ENTPD1: variants seen among roughly 807,000 people sequenced by gnomAD.
ENTPD1 encodes the protein ectonucleoside triphosphate diphosphohydrolase 1, also known as ATP diphosphohydrolase.
Under a neutral mutation model 57.0 loss-of-function variants are expected in ENTPD1, and 33 were observed. The ratio of observed to expected loss-of-function variants is 0.58; its 90% confidence interval spans 0.44 to 0.77. ENTPD1 has a LOEUF of 0.77. Among genes scored for constraint, ENTPD1 ranks in the 30% least tolerant of loss-of-function variants. ENTPD1 has a pLI of 0.00. For synonymous variants in ENTPD1, 202 were observed against 218.8 expected (o/e 0.92, Z 0.68); for missense variants, 501 against 603.4 (o/e 0.83, Z 1.78).
chr10:95,741,607 A>T (rs561493050), intron 1 of ENTPD1, among the ~76,000 whole-genome samples: 1 of 152,318 alleles, frequency 6.6e-6, no homozygotes, highest in Admixed American at 6.5e-5. Context: ...AAACACAATA[A>T]AGCCAAGCAC....
At position 95,756,197 on chromosome 10, in the gene ENTPD1, G is replaced by A. The variant is rs374349051; in HGVS notation, c.-43G>A. ...GACCACAGCAAGCAGAGGCTGGGGG[G>A]GGGAAAGACGAGGAAAGAGGAGGAA... On this transcript the variant is annotated 5_prime_UTR_variant, in exon 1 of 10. Coordinates refer to ENST00000371205, the MANE Select transcript of ENTPD1 (RefSeq NM_001776.6). 1.8e-5 allele frequency: 28 copies of A among 1,581,056 alleles called. No individual in the cohort carries two copies. Among genetic ancestry groups the A allele is most frequent in the East Asian group, 4.7e-5 (2 of 42,818 alleles).
intron 1 of ENTPD1, among the ~76,000 whole-genome samples, chr10:95,766,171 T>C (rs1044352732): frequency 1.1e-4 from 17 of 152,302 alleles, no homozygotes; most frequent in Non-Finnish European, 2.2e-4. Flanking sequence ...CAGTCACATA[T>C]AGTATTGTTC....
At chr10:95,714,075 C>T (rs533298139) in intron 1 of ENTPD1, among the ~76,000 whole-genome samples, 2 of 152,270 alleles carry the variant, frequency 1.3e-5, no homozygotes, top group South Asian at 4.1e-4. Flanking sequence ...CTTTGGGAGG[C>T]AGAGGTGGGC....
chr10:95,724,873 G>A (rs2097981915), intron 1 of ENTPD1, among the ~76,000 whole-genome samples: 1 of 152,180 alleles, frequency 6.6e-6, no homozygotes, highest in Non-Finnish European at 1.5e-5. Context: ...GGGTTGCCCA[G>A]GTTAATTTTT....
At chr10:95,722,234 G>GT (rs1330943073) in intron 1 of ENTPD1, among the ~76,000 whole-genome samples, 8 of 113,416 alleles carry the variant, frequency 7.1e-5, no homozygotes, top group Non-Finnish European at 1.2e-4. Context: ...TACCCATTGT[G>GT]GTTTTTTTTT....
At chr10:95,765,213 G>A (rs1376275669) in intron 1 of ENTPD1, among the ~76,000 whole-genome samples, 1 of 152,064 alleles carries the variant, frequency 6.6e-6, no homozygotes, top group Non-Finnish European at 1.5e-5. Context: ...TCAATCTATA[G>A]TTTCTTTGGT....
chr10:95,721,629 G>A (rs983342508), intron 1 of ENTPD1, among the ~76,000 whole-genome samples: 4 of 151,736 alleles, frequency 2.6e-5, no homozygotes, highest in African/African-American at 7.3e-5. Flanking sequence ...TGACTGGGCC[G>A]AATTCTCCAG....
At chr10:95,726,727 T>C (rs879290014) in intron 1 of ENTPD1, among the ~76,000 whole-genome samples, 1 of 152,200 alleles carries the variant, frequency 6.6e-6, no homozygotes, top group Non-Finnish European at 1.5e-5. Flanking sequence ...TTTTCAAAAG[T>C]TTGATGATTG....
chr10:95,803,841 A>C (rs1032074493), intron 1 of ENTPD1, among the ~76,000 whole-genome samples: 3 of 152,250 alleles, frequency 2.0e-5, no homozygotes, highest in African/African-American at 7.2e-5. Flanking sequence ...TTTAGGTCTA[A>C]CATTTAAGTC....
chr10:95,801,732 C>G (rs1020976908), intron 1 of ENTPD1, among the ~76,000 whole-genome samples: 2 of 152,024 alleles, frequency 1.3e-5, no homozygotes, highest in African/African-American at 4.8e-5. Flanking sequence ...GTTACTGTAA[C>G]CCTGTAGTAT....
At chr10:95,834,947 A>C (rs1241388386) in intron 2 of ENTPD1, among the ~76,000 whole-genome samples, 2 of 152,146 alleles carry the variant, frequency 1.3e-5, no homozygotes, top group Admixed American at 6.6e-5. Flanking sequence ...TTAAAAATTT[A>C]ATTTATTTTT....
At position 95,842,237 on chromosome 10, in the gene ENTPD1, T is replaced by C. The variant is rs891176321; in HGVS notation, c.263-107T>C. The C allele has an allele frequency of 9.9e-6, 10 of 1,012,604 alleles. No homozygotes were observed. The Admixed American group carries it at 1.3e-4, about 13-fold the overall frequency. The allele number at this position is 1,012,604 out of a possible 1,614,324, so 62.7% of individuals were successfully genotyped here. A position where few individuals can be genotyped will look rare whatever the true frequency, so the allele number is the denominator to read the frequency against. ...ACCTAATGTATAGTACATCAGGAAA[T>C]TGTTTTCTTGTATTTTTTTCAAAAC... On this transcript the variant is annotated intron_variant, in intron 3 of 9. Transcript: ENST00000371205.
At chr10:95,839,027 A>C (rs1292697215) in intron 2 of ENTPD1, among the ~76,000 whole-genome samples, 1 of 152,238 alleles carries the variant, frequency 6.6e-6, no homozygotes, top group Non-Finnish European at 1.5e-5. Flanking sequence ...AGTTATATTC[A>C]TAATTTAAAA....
intron 1 of ENTPD1, among the ~76,000 whole-genome samples, chr10:95,781,016 C>T (rs1455430828): frequency 2.1e-4 from 32 of 152,150 alleles, no homozygotes; most frequent in Admixed American, 2.1e-3. Context: ...ACCTAAGTGT[C>T]CATCGACAGA....
chr10:95,786,431 G>A (rs1007444908), intron 1 of ENTPD1, among the ~76,000 whole-genome samples: 2 of 152,164 alleles, frequency 1.3e-5, no homozygotes, highest in African/African-American at 2.4e-5. Context: ...TGAAGGAGAC[G>A]CAGGTTCAGT....
At chr10:95,702,274 A>G in the ENTPD1 span, among the ~76,000 whole-genome samples, 2 of 152,134 alleles carry the variant, frequency 1.3e-5, no homozygotes, top group African/African-American at 4.8e-5. Context: ...AGCTGACAAG[A>G]TGGAGAATTT....
chr10:95,871,650 T>A lies in ENTPD1; in HGVS notation c.*5267T>A. 2.0e-6 allele frequency: 2 copies of A among 985,390 alleles called. No homozygotes were observed. Among genetic ancestry groups the A allele is most frequent in the South Asian group, 4.7e-5 (1 of 21,290 alleles). The allele number at this position is 985,390 out of a possible 1,614,324, so 61.0% of individuals were successfully genotyped here. ...AAGACTCTTCATTTGAAGTGAAGATTGCTATGTCTTTTGCATTGCTCTATT... is the reference window on the plus strand; with the variant it reads ...AAGACTCTTCATTTGAAGTGAAGATAGCTATGTCTTTTGCATTGCTCTATT... On this transcript the variant is annotated 3_prime_UTR_variant, in exon 10 of 10. Coordinates refer to ENST00000371205, the MANE Select transcript of ENTPD1 (RefSeq NM_001776.6).
chr10:95,858,420 A>G (rs1036584664), intron 7 of ENTPD1, among the ~76,000 whole-genome samples: 1 of 152,120 alleles, frequency 6.6e-6, no homozygotes, highest in Non-Finnish European at 1.5e-5. Flanking sequence ...TATTCTAAGT[A>G]TAATTAGGAG....
chr10:95,863,355 T>C (rs1478368448), intron 8 of ENTPD1, among the ~76,000 whole-genome samples: 1 of 152,170 alleles, frequency 6.6e-6, no homozygotes, highest in Admixed American at 6.5e-5. Context: ...TAGGCATCCT[T>C]CAATTGACAG....
Sources: allele counts gnomAD v4.1 joint callset (sites outside exome capture counted in the v4.1 genomes callset), GRCh38; gene constraint gnomAD v4.1.1; transcripts MANE v1.5; gene names NCBI Gene and HGNC (gene_info 2026-07-23, HGNC 2026-07-21).